The following PRKCA variants were observed in gnomAD, a reference collection of about 807,000 sequenced individuals.
The protein encoded by PRKCA is protein kinase C alpha.
A neutral mutation model predicts 87.0 loss-of-function variants in PRKCA; 27 were observed. That is an observed-to-expected ratio of 0.31 (90% confidence interval 0.23 to 0.43). PRKCA has a LOEUF of 0.43. Ranked by LOEUF, PRKCA falls within the 20% of genes least tolerant of loss-of-function variation. PRKCA has a pLI of 1.00. For synonymous variants in PRKCA, 329 were observed against 311.1 expected (o/e 1.06, Z -0.61); for missense variants, 518 against 852.3 (o/e 0.61, Z 4.88).
At chr17:66,501,344 C>A (rs529471284) in intron 3 of PRKCA, among the ~76,000 whole-genome samples, 12 of 152,298 alleles carry the variant, frequency 7.9e-5, no homozygotes, top group African/African-American at 2.6e-4. Flanking sequence ...GCCAATTTCT[C>A]AAGGGTCCTC....
At chr17:66,696,708 A>G (rs1242003657) in intron 8 of PRKCA, among the ~76,000 whole-genome samples, 2 of 152,226 alleles carry the variant, frequency 1.3e-5, no homozygotes, top group Non-Finnish European at 2.9e-5. Flanking sequence ...AGAACAGACC[A>G]GTGGATTGGT....
intron 3 of PRKCA, among the ~76,000 whole-genome samples, chr17:66,603,431 C>T (rs1215707661): frequency 2.0e-5 from 3 of 152,090 alleles, no homozygotes; most frequent in Admixed American, 6.6e-5. Context: ...ATTTTCAAAA[C>T]GGGTCCTTTT....
chr17:66,408,936 C>T (rs939649268), intron 2 of PRKCA, among the ~76,000 whole-genome samples: 1 of 148,692 alleles, frequency 6.7e-6, no homozygotes, highest in Non-Finnish European at 1.5e-5. Context: ...CCTGTAATCC[C>T]AGCTACTTAG....
intron 2 of PRKCA, among the ~76,000 whole-genome samples, chr17:66,440,994 C>A (rs71379972): frequency 6.6e-6 from 1 of 151,828 alleles, no homozygotes; most frequent in South Asian, 2.1e-4. Flanking sequence ...AACCCTGTCT[C>A]TACTAAAAAT....
At chr17:66,407,273 G>A (rs985403208) in intron 2 of PRKCA, among the ~76,000 whole-genome samples, 1 of 152,086 alleles carries the variant, frequency 6.6e-6, no homozygotes, top group South Asian at 2.1e-4. Context: ...CAGATCATGG[G>A]GGCGGATCCT....
At chr17:66,466,112 C>T (rs1344741019) in intron 2 of PRKCA, among the ~76,000 whole-genome samples, 1 of 152,190 alleles carries the variant, frequency 6.6e-6, no homozygotes, top group Non-Finnish European at 1.5e-5. Flanking sequence ...TACATAGCTG[C>T]TGTGTGCAGA....
intron 2 of PRKCA, among the ~76,000 whole-genome samples, chr17:66,349,096 A>C (rs1333173025): frequency 6.6e-6 from 1 of 152,208 alleles, no homozygotes; most frequent in Non-Finnish European, 1.5e-5. Context: ...CTGAGTGTTC[A>C]TCTTAGCTGC....
At chr17:66,783,388 A>G (rs1975290325) in intron 14 of PRKCA, among the ~76,000 whole-genome samples, 1 of 152,194 alleles carries the variant, frequency 6.6e-6, no homozygotes, top group Non-Finnish European at 1.5e-5. Context: ...ATGCTGTAGG[A>G]TTAATGTTCT....
chr17:66,504,545 TTGCACCA>T (rs1916884315), intron 3 of PRKCA, among the ~76,000 whole-genome samples: 2 of 151,190 alleles, frequency 1.3e-5, no homozygotes, highest in South Asian at 4.2e-4. Context: ...TGAGCCAAGA[TTGCACCA>T]TTGCACTCCA....
chr17:66,440,824 G>C (rs1913698758), intron 2 of PRKCA, among the ~76,000 whole-genome samples: 1 of 152,038 alleles, frequency 6.6e-6, no homozygotes, highest in Non-Finnish European at 1.5e-5. Context: ...CCAGGAGTTT[G>C]AGACCAGCCC....
At chr17:66,630,006 T>A (rs1022272488) in intron 3 of PRKCA, among the ~76,000 whole-genome samples, 2 of 152,340 alleles carry the variant, frequency 1.3e-5, no homozygotes, top group Non-Finnish European at 2.9e-5. Flanking sequence ...GGGAACTCTC[T>A]GTGCTATTTT....
At chr17:66,577,661 A>G (rs1316223115) in intron 3 of PRKCA, among the ~76,000 whole-genome samples, 1 of 152,148 alleles carries the variant, frequency 6.6e-6, no homozygotes, top group Non-Finnish European at 1.5e-5. Flanking sequence ...CGTAGTTTAT[A>G]TGGAAGTGAA....
chr17:66,350,166 C>A (rs1907653015), intron 2 of PRKCA, among the ~76,000 whole-genome samples: 1 of 152,144 alleles, frequency 6.6e-6, no homozygotes, highest in Non-Finnish European at 1.5e-5. Flanking sequence ...GGTAACAGTG[C>A]CTTTTTATTT....
At chr17:66,730,598 G>A (rs936251872) in intron 8 of PRKCA, among the ~76,000 whole-genome samples, 1 of 152,164 alleles carries the variant, frequency 6.6e-6, no homozygotes, top group Non-Finnish European at 1.5e-5. Context: ...TGGTGCTGGC[G>A]GGAGTTTCCT....
chr17:66,701,394 A>G (rs896353766), intron 8 of PRKCA, among the ~76,000 whole-genome samples: 1 of 152,168 alleles, frequency 6.6e-6, no homozygotes, highest in East Asian at 1.9e-4. Context: ...GGTCTTGACA[A>G]TGGTTTTTTG....
At chr17:66,626,613 G>T (rs753697454) in intron 3 of PRKCA, among the ~76,000 whole-genome samples, 3 of 150,548 alleles carry the variant, frequency 2.0e-5, no homozygotes, top group Non-Finnish European at 4.4e-5. Context: ...CTCGTGATCC[G>T]CCTGCCTTGG....
At chr17:66,668,787 G>A (rs1972102279) in intron 5 of PRKCA, among the ~76,000 whole-genome samples, 1 of 152,096 alleles carries the variant, frequency 6.6e-6, no homozygotes, top group East Asian at 1.9e-4. Context: ...GAGTATTTGA[G>A]AAAACTCCAT....
rs774938388 is a variant in PRKCA, at chr17:66,303,086, C to T, written c.173+62C>T. The stretch of plus-strand genomic sequence containing the variant: ...CCCGCCTCCGGGTCCCGGCACCCGG[C>T]GCTCCGGCGCGTCCGCCCCGGGGCT... On this transcript the variant is annotated intron_variant, in intron 1 of 16. Coordinates refer to ENST00000413366, the MANE Select transcript of PRKCA (RefSeq NM_002737.3). 5.9e-4 allele frequency: 920 copies of T among 1,569,194 alleles called. 1 individual carries two copies. The highest frequency in any genetic ancestry group is 7.6e-4 in the Non-Finnish European group (883 of 1,157,342).
intron 3 of PRKCA, among the ~76,000 whole-genome samples, chr17:66,552,058 G>A (rs746359539): frequency 6.6e-6 from 1 of 152,180 alleles, no homozygotes; most frequent in Non-Finnish European, 1.5e-5. Context: ...AGCACTTGTG[G>A]AGGCCAAGGT....
Sources: gnomAD v4.1 joint callset for allele counts (sites outside exome capture counted in the v4.1 genomes callset) on GRCh38, gnomAD v4.1.1 for gene constraint, MANE v1.5 for transcripts, NCBI Gene and HGNC (gene_info 2026-07-23, HGNC 2026-07-21) for gene names.